DHCR7: variants seen among roughly 807,000 people sequenced by gnomAD.
DHCR7 encodes 7-DHC reductase.
In DHCR7, 40 loss-of-function variants were observed where a neutral mutation model predicts 43.3. The ratio of observed to expected loss-of-function variants is 0.92; its 90% CI spans 0.72 to 1.20. The LOEUF is 1.20. Among genes scored for constraint, DHCR7 ranks in the 50% most tolerant of loss-of-function variants. The pLI, the probability that DHCR7 is intolerant of heterozygous loss-of-function variation, is 0.00. For synonymous variants in DHCR7, 298 were observed against 271.4 expected, an observed-to-expected ratio of 1.10 and a Z score of -0.96; for missense variants, 608 against 644.6, an observed-to-expected ratio of 0.94 and a Z score of 0.62.
chr11:71,435,894 A>C, intron 8 of DHCR7, 55 bp from the exon 9 acceptor site: 2 of 1,505,596 alleles, frequency 1.3e-6, no homozygotes, highest in Non-Finnish European at 1.8e-6. Context: ...AGAGGACAGG[A>C]GTGTGGGCTC....
At chr11:71,444,747 CTT>C in intron 3 of DHCR7, 106 bp downstream of exon 3, 1 of 901,810 alleles carries the variant, frequency 1.1e-6, no homozygotes, top group South Asian at 1.6e-5. Context: ...AAAAAAAAAT[CTT>C]TTTTAAAAAG....
chr11:71,438,945 G>T lies in DHCR7; in HGVS notation c.765C>A (p.Phe255Leu). ...TGTGGAGCTCCCGCTGCTTCGCTGC[G>T]AAGGACAGGTTGATGAGGGTCCAGG... is the stretch of plus-strand genomic sequence containing the variant. ...IVAWTLINLS[F>L]AAKQRELHSH... Residue 255 changes from phenylalanine (F) to leucine (L), a missense_variant, in exon 7 of 9, where the codon TTC becomes TTA. Physicochemically the swap from Phe to Leu is conservative, Grantham distance 22 (BLOSUM62 0). Transcript: ENST00000355527. The T allele has an allele frequency of 6.2e-7, 1 of 1,614,034 alleles. No individual in the cohort carries two copies. The highest frequency in any genetic ancestry group is 8.5e-7 in the Non-Finnish European group (1 of 1,180,044).
chr11:71,431,213 G>A (rs1162061523), downstream of DHCR7, among the ~76,000 whole-genome samples: 1 of 152,198 alleles, frequency 6.6e-6, no homozygotes, highest in African/African-American at 2.4e-5. Context: ...ACACAACAGT[G>A]TAGGAAACCA....
rs370748173 is a variant in DHCR7 at position 71,444,091 on chromosome 11, T to A, written c.223A>T (p.Ile75Phe). ...SCALTGPVVDIVTGHARLSDI... is the reference protein window; with the variant it reads ...SCALTGPVVDFVTGHARLSDI... Reference sequence around the variant, plus strand: ...GAGAGCCGAGCATGTCCGGTGACGATGTCCACCACAGGGCCAGTCAGGGCG... The same window carrying A: ...GAGAGCCGAGCATGTCCGGTGACGAAGTCCACCACAGGGCCAGTCAGGGCG... Residue 75 changes from isoleucine (I) to phenylalanine (F), a missense_variant, in exon 4 of 9, where the codon ATC (isoleucine) becomes TTC (phenylalanine). Transcript: ENST00000355527. 2.5e-4 allele frequency: 409 copies of A among 1,613,504 alleles called. 1 individual carries two copies. The highest frequency in any genetic ancestry group is 3.3e-4 in the Non-Finnish European group (393 of 1,179,870).
At chr11:71,432,153 A>G, downstream of DHCR7, among the ~76,000 whole-genome samples, 1 of 152,188 alleles carries the variant, frequency 6.6e-6, no homozygotes, top group East Asian at 1.9e-4. Context: ...CCATACTTGC[A>G]CCAACATTGT....
At chr11:71,443,121 G>C (rs1949365884) in intron 4 of DHCR7, among the ~76,000 whole-genome samples, 1 of 152,228 alleles carries the variant, frequency 6.6e-6, no homozygotes, top group South Asian at 2.1e-4. Flanking sequence ...ACTGGCATCA[G>C]AGCTTCATTC....
At chr11:71,428,657 T>C (rs920952492) in exon 3 of DHCR7, 2 of 344,810 alleles carry the variant, frequency 5.8e-6, no homozygotes, top group Non-Finnish European at 1.1e-5. Context: ...CTGGAGATCT[T>C]AGTGTATTCC....
At chr11:71,432,214 C>T (rs758409066), downstream of DHCR7, among the ~76,000 whole-genome samples, 3 of 152,306 alleles carry the variant, frequency 2.0e-5, no homozygotes, top group Non-Finnish European at 2.9e-5. Context: ...AATTTCTTGA[C>T]GTGAATGAAC....
chr11:71,436,358 G>A (rs1257123224), intron 8 of DHCR7, among the ~76,000 whole-genome samples: 2 of 152,178 alleles, frequency 1.3e-5, no homozygotes, highest in African/African-American at 4.8e-5. Flanking sequence ...CAAAGAAGAG[G>A]GAATCTGCTA....
At position 71,444,192 on chromosome 11, in the gene DHCR7, G is replaced by A. The variant is rs761265690; in HGVS notation, c.122C>T (p.Ala41Val). The A allele has an allele frequency of 4.5e-5, 72 of 1,597,480 alleles. No homozygotes were observed. The highest frequency in any genetic ancestry group is 5.3e-5 in the Non-Finnish European group (62 of 1,171,402). The change falls in exon 4 of 9, where the codon GCG becomes GTG. Residue 41 changes from alanine to valine, a missense_variant. Ala to Val is a moderately conservative substitution (Grantham distance 64, BLOSUM62 0). Coordinates refer to ENST00000355527, the MANE Select transcript of DHCR7 (RefSeq NM_001360.3). ...GAACAGCAGTAGGAAGATGACGCTC[G>A]CCAGTGAAAACCAGTCCACCTCCCT... ...RAWEVDWFSL[A>V]SVIFLLLFAP...
intron 7 of DHCR7, 79 bp downstream of exon 7, chr11:71,438,800 T>C (rs916898562): frequency 2.8e-6 from 4 of 1,440,654 alleles, no homozygotes; most frequent in East Asian, 4.6e-5. Context: ...ATTAAGGTCA[T>C]GGGAATACGC....
At chr11:71,429,950 C>T (rs752524650), downstream of DHCR7, among the ~76,000 whole-genome samples, 28 of 152,172 alleles carry the variant, frequency 1.8e-4, no homozygotes, top group Non-Finnish European at 2.2e-4. Context: ...ATTGAGTTTC[C>T]AAAAGCCAGA....
intron 2 of DHCR7, 46 bp downstream of exon 2, chr11:71,447,564 A>T (rs1949418063): frequency 6.6e-6 from 1 of 152,216 alleles, no homozygotes; most frequent in Non-Finnish European, 1.5e-5. Context: ...CAACGCTGTG[A>T]AGCCATAGCC....
downstream of DHCR7, among the ~76,000 whole-genome samples, chr11:71,433,715 C>A (rs1949242598): frequency 6.6e-6 from 1 of 152,214 alleles, no homozygotes; most frequent in African/African-American, 2.4e-5. Context: ...CACACCCCAG[C>A]CTCTGTGAAC....
Position 71,444,980 on chromosome 11 carries a change from T to C in DHCR7, c.-6-22A>G, listed in dbSNP as rs376977153. 699 of 1,596,708 alleles carry C rather than the reference T, an allele frequency of 4.4e-4. 1 individual carries two copies. The highest frequency in any genetic ancestry group is 5.7e-4 in the Non-Finnish European group (662 of 1,164,192). The stretch of plus-strand genomic sequence containing the variant: ...GGCCCTGCAAGAAAGAGAACCTTGC[T>C]TACATTATCCCTCAAATAACAGACA... On this transcript the variant is annotated intron_variant, in intron 2 of 8. Coordinates refer to ENST00000355527, the MANE Select transcript of DHCR7 (RefSeq NM_001360.3).
In DHCR7 at chr11:71,444,081, C is replaced by G; in HGVS notation, c.233G>C (p.Gly78Ala). ...CCAGATGTCCGAGAGCCGAGCATGT[C>G]CGGTGACGATGTCCACCACAGGGCC... ...LTGPVVDIVT[G>A]HARLSDIWAK... Residue 78 changes from glycine (G) to alanine (A), a missense_variant, in exon 4 of 9, where the codon GGA becomes GCA. Gly to Ala is a moderately conservative substitution (Grantham distance 60). Coordinates refer to ENST00000355527, the MANE Select transcript of DHCR7 (RefSeq NM_001360.3). The G allele has an allele frequency of 6.2e-7, 1 of 1,613,700 alleles. No individual in the cohort carries two copies.
chr11:71,442,405 G>A, intron 4 of DHCR7, 52 bp from the exon 5 acceptor site: 1 of 1,295,330 alleles, frequency 7.7e-7, no homozygotes, highest in Non-Finnish European at 1.1e-6. Flanking sequence ...CACCTGCAAA[G>A]GGGGACGCAT....
At chr11:71,442,407 G>C in intron 4 of DHCR7, 54 bp from the exon 5 acceptor site, 1 of 1,261,024 alleles carries the variant, frequency 7.9e-7, no homozygotes, top group Non-Finnish European at 1.2e-6. Flanking sequence ...CCTGCAAAGG[G>C]GGACGCATAG....
In DHCR7 at chr11:71,437,798, GC is replaced by G. The variant is rs1949300982; in HGVS notation, c.963+13del. 1 of 1,613,502 alleles carries G rather than the reference GC, an allele frequency of 6.2e-7. No individual in the cohort carries two copies. Among genetic ancestry groups the G allele is most frequent in the African/African-American group, 1.3e-5 (1 of 74,936 alleles). ...CCAAATGCCCCGCTGGGCCAGCTCT[GC>G]CCACCTCCTCACCTGCAGCGTGTAA... On this transcript the variant is annotated intron_variant, in intron 8 of 8. Transcript: ENST00000355527.
Sources: allele counts gnomAD v4.1 joint callset (sites outside exome capture counted in the v4.1 genomes callset), GRCh38; gene constraint gnomAD v4.1.1; transcripts MANE v1.5; gene names NCBI Gene and HGNC (gene_info 2026-07-23, HGNC 2026-07-21).